KLB: variants seen among roughly 807,000 people sequenced by gnomAD.
The protein encoded by KLB is beta-klotho.
In KLB, 44 loss-of-function variants were observed where a neutral mutation model predicts 88.4. The observed-to-expected ratio is 0.50, with a 90% CI of 0.39 to 0.64. KLB has a LOEUF of 0.64. Among genes scored for constraint, KLB ranks in the 30% least tolerant of loss-of-function variants. The pLI is 0.00. For synonymous variants in KLB, 548 were observed against 513.4 expected, an observed-to-expected ratio of 1.07 and a Z score of -0.91; for missense variants, 1,137 against 1,304.8, an observed-to-expected ratio of 0.87 and a Z score of 1.98.
intron 1 of KLB, among the ~76,000 whole-genome samples, chr4:39,408,780 C>A (rs940164755): frequency 6.6e-6 from 1 of 151,832 alleles, no homozygotes. Context: ...AGGCTAATAT[C>A]TAGAATCGAA....
chr4:39,430,143 A>T (rs1217119877), intron 1 of KLB, among the ~76,000 whole-genome samples: 1 of 152,212 alleles, frequency 6.6e-6, no homozygotes, highest in Non-Finnish European at 1.5e-5. Context: ...TCTTTCATAT[A>T]ATCACTGAAA....
At chr4:39,429,145 C>T (rs1339879907) in intron 1 of KLB, among the ~76,000 whole-genome samples, 6 of 152,192 alleles carry the variant, frequency 3.9e-5, no homozygotes, top group African/African-American at 1.4e-4. Context: ...TATTAAATAG[C>T]TTAAACAACA....
intron 1 of KLB, among the ~76,000 whole-genome samples, chr4:39,424,852 T>C (rs569289446): frequency 6.6e-6 from 1 of 151,524 alleles, no homozygotes; most frequent in East Asian, 2.0e-4. Context: ...TGTTCTCGAA[T>C]TCCTGACCTC....
chr4:39,410,029 C>G (rs1397076127), intron 1 of KLB, among the ~76,000 whole-genome samples: 1 of 152,168 alleles, frequency 6.6e-6, no homozygotes, highest in African/African-American at 2.4e-5. Context: ...AGGCCAAGGA[C>G]GCTACTGTTA....
At chr4:39,430,820 G>C (rs1443938158) in intron 1 of KLB, among the ~76,000 whole-genome samples, 2 of 151,388 alleles carry the variant, frequency 1.3e-5, no homozygotes, top group Admixed American at 1.3e-4. Flanking sequence ...GGCCAAGCTG[G>C]TCTCAAATCA....
intron 1 of KLB, among the ~76,000 whole-genome samples, chr4:39,418,799 T>C (rs1578202952): frequency 1.3e-5 from 2 of 151,768 alleles, no homozygotes; most frequent in Middle Eastern, 3.4e-3. Flanking sequence ...AATACAAAAC[T>C]TAGCTGGGTG....
chr4:39,439,267 G>A (rs1743544358), intron 3 of KLB, among the ~76,000 whole-genome samples: 1 of 151,926 alleles, frequency 6.6e-6, no homozygotes, highest in African/African-American at 2.4e-5. Context: ...CCAAAGTACT[G>A]GGGTTGCAGG....
intron 1 of KLB, among the ~76,000 whole-genome samples, chr4:39,415,427 G>A (rs1228383492): frequency 1.3e-5 from 2 of 152,038 alleles, no homozygotes; most frequent in South Asian, 2.1e-4. Flanking sequence ...TCAGGAGTTC[G>A]AGGCTGCAGT....
At chr4:39,437,356 C>T (rs1743494347) in intron 2 of KLB, among the ~76,000 whole-genome samples, 1 of 152,178 alleles carries the variant, frequency 6.6e-6, no homozygotes, top group African/African-American at 2.4e-5. Context: ...TAAGAACCAA[C>T]TCAAACTTGA....
chr4:39,432,933 C>T (rs945907467), intron 1 of KLB, among the ~76,000 whole-genome samples: 3 of 150,876 alleles, frequency 2.0e-5, no homozygotes, highest in South Asian at 4.2e-4. Context: ...GGCTGGAGTG[C>T]GGTGGCACCA....
intron 1 of KLB, among the ~76,000 whole-genome samples, chr4:39,409,684 T>C (rs551555604): frequency 4.0e-5 from 6 of 151,722 alleles, no homozygotes; most frequent in Middle Eastern, 6.8e-3. Flanking sequence ...TCCCAGCACT[T>C]TGGGAGGCCA....
chr4:39,414,504 A>C (rs1430449081), intron 1 of KLB, among the ~76,000 whole-genome samples: 1 of 152,096 alleles, frequency 6.6e-6, no homozygotes, highest in African/African-American at 2.4e-5. Context: ...CTTAACCATT[A>C]ATATTTTCTT....
chr4:39,449,873 C>T lies in KLB; in HGVS notation c.*1187C>T, dbSNP rs746544553. 2.0e-5 allele frequency: 3 copies of T among 152,126 alleles called. No homozygotes were observed. Among genetic ancestry groups the T allele is most frequent in the Non-Finnish European group, 4.4e-5 (3 of 68,076 alleles). The allele number at this position is 152,126 out of a possible 1,614,324, so 9.4% of individuals were successfully genotyped here. A position where few individuals can be genotyped will look rare whatever the true frequency, so the allele number is the denominator to read the frequency against. ...CCGAGAGGCAGAGGTTGCAATGAGC[C>T]AAGATCGTGCCATTGCACTCCAGCC... On this transcript the variant is annotated 3_prime_UTR_variant, in exon 5 of 5. Coordinates refer to ENST00000257408, the MANE Select transcript of KLB (RefSeq NM_175737.4).
intron 3 of KLB, among the ~76,000 whole-genome samples, chr4:39,443,280 T>C (rs1184225903): frequency 6.6e-6 from 1 of 151,678 alleles, no homozygotes; most frequent in Admixed American, 6.6e-5. Context: ...CCCAGCACTT[T>C]GAGAGGCCGA....
chr4:39,434,263 G>A lies in KLB; in HGVS notation c.879G>A (p.Lys293=). The A allele has an allele frequency of 1.2e-6, 2 of 1,614,084 alleles. No individual in the cohort carries two copies. The highest frequency in any genetic ancestry group is 2.2e-5 in the East Asian group (1 of 44,888). The change falls in exon 2 of 5, where the codon AAG becomes AAA. Residue 293 remains lysine (K), a synonymous_variant. Transcript: ENST00000257408. The stretch of plus-strand genomic sequence containing the variant: ...ACACACATTTCCGCCCACATCAGAA[G>A]GGTTGGTTATCGATCACGTTGGGAT... ...NYNTHFRPHQ[K]GWLSITLGSH...
intron 1 of KLB, among the ~76,000 whole-genome samples, chr4:39,414,883 A>AG (rs1211593596): frequency 6.6e-6 from 1 of 151,792 alleles, no homozygotes; most frequent in Non-Finnish European, 1.5e-5. Flanking sequence ...AAAAAAAAAA[A>AG]AAAAAAAGCA....
At chr4:39,416,814 G>A (rs370555489) in intron 1 of KLB, among the ~76,000 whole-genome samples, 2 of 152,142 alleles carry the variant, frequency 1.3e-5, no homozygotes, top group African/African-American at 2.4e-5. Flanking sequence ...AAAAACAGCC[G>A]TGAAAATGCC....
chr4:39,440,198 T>G (rs1020547090), intron 3 of KLB, among the ~76,000 whole-genome samples: 1 of 151,976 alleles, frequency 6.6e-6, no homozygotes, highest in Non-Finnish European at 1.5e-5. Context: ...CAGGCTGGTG[T>G]GCAGTGAGTG....
intron 1 of KLB, among the ~76,000 whole-genome samples, chr4:39,429,472 G>A (rs1184334816): frequency 1.3e-5 from 2 of 152,202 alleles, no homozygotes; most frequent in Non-Finnish European, 2.9e-5. Context: ...CTGGAGGAGA[G>A]AACAGAATGA....
Sources: allele counts gnomAD v4.1 joint callset (sites outside exome capture counted in the v4.1 genomes callset), GRCh38; gene constraint gnomAD v4.1.1; transcripts MANE v1.5; gene names NCBI Gene and HGNC (gene_info 2026-07-23, HGNC 2026-07-21).